PARM1: variants seen among roughly 807,000 people sequenced by gnomAD.
PARM1 encodes prostate androgen-regulated mucin-like protein 1.
In PARM1, 14 loss-of-function variants were observed where a neutral mutation model predicts 24.6. That is an observed-to-expected ratio of 0.57 (90% CI 0.38 to 0.89). The LOEUF (loss-of-function observed/expected upper bound fraction) is 0.89, where lower values mean the gene tolerates loss of function less well. PARM1 is among the 40% of genes least tolerant of loss of function. The pLI is 0.00. For missense variants in PARM1, 362 were observed against 380.4 expected (o/e 0.95, Z 0.40); for synonymous variants, 179 against 156.6 (o/e 1.14, Z -1.07).
At chr4:74,992,057 C>G (rs984122245) in intron 1 of PARM1, among the ~76,000 whole-genome samples, 9 of 152,186 alleles carry the variant, frequency 5.9e-5, no homozygotes, top group Admixed American at 5.9e-4. Context: ...TACAGATGAA[C>G]AGCCAAATAA....
chr4:74,960,186 A>G (rs185641367), intron 1 of PARM1, among the ~76,000 whole-genome samples: 67 of 152,340 alleles, frequency 4.4e-4, no homozygotes, highest in Non-Finnish European at 7.6e-4. Flanking sequence ...GTGCACACAT[A>G]TAGGAGGAAG....
intron 1 of PARM1, among the ~76,000 whole-genome samples, chr4:74,960,440 C>T (rs2109988880): frequency 6.6e-6 from 1 of 152,276 alleles, no homozygotes; most frequent in Middle Eastern, 3.4e-3. Flanking sequence ...GTCTTAAAAA[C>T]TAACCGAGAA....
chr4:75,043,859 C>T (rs1191071932), intron 3 of PARM1, among the ~76,000 whole-genome samples: 1 of 152,122 alleles, frequency 6.6e-6, no homozygotes, highest in African/African-American at 2.4e-5. Flanking sequence ...TTCTGGGTTT[C>T]TATTTATGGT....
At chr4:75,028,200 G>C (rs1723217242) in intron 2 of PARM1, among the ~76,000 whole-genome samples, 1 of 152,200 alleles carries the variant, frequency 6.6e-6, no homozygotes, top group African/African-American at 2.4e-5. Context: ...GATTTCTCCT[G>C]CTATTACTGT....
chr4:74,999,654 A>G (rs933924031), intron 1 of PARM1, among the ~76,000 whole-genome samples: 4 of 152,244 alleles, frequency 2.6e-5, no homozygotes, highest in Non-Finnish European at 4.4e-5. Flanking sequence ...ACAAATAAAA[A>G]TCTAAAAGAT....
intron 1 of PARM1, among the ~76,000 whole-genome samples, chr4:74,967,929 A>G (rs1721939766): frequency 6.6e-6 from 1 of 152,232 alleles, no homozygotes; most frequent in Non-Finnish European, 1.5e-5. Flanking sequence ...TAAAGTGGCA[A>G]ACACAGAATT....
chr4:74,993,571 A>G (rs1722518751), intron 1 of PARM1, among the ~76,000 whole-genome samples: 1 of 152,216 alleles, frequency 6.6e-6, no homozygotes, highest in South Asian at 2.1e-4. Context: ...AGTGAAATGA[A>G]AGTATATATG....
chr4:75,035,338 C>G (rs1050036437), intron 3 of PARM1, among the ~76,000 whole-genome samples: 2 of 152,210 alleles, frequency 1.3e-5, no homozygotes, highest in Admixed American at 6.5e-5. Flanking sequence ...TGTGAGGACA[C>G]TGCTAGGGAC....
chr4:74,945,020 A>G (rs1187385861), intron 1 of PARM1, among the ~76,000 whole-genome samples: 1 of 152,248 alleles, frequency 6.6e-6, no homozygotes, highest in African/African-American at 2.4e-5. Context: ...AGATAAACCA[A>G]CATAAATTCA....
chr4:75,022,038 G>A (rs531041055), intron 2 of PARM1, among the ~76,000 whole-genome samples: 2 of 152,174 alleles, frequency 1.3e-5, no homozygotes, highest in Admixed American at 1.3e-4. Context: ...TCTCCAAACT[G>A]CTTTCCACAG....
chr4:75,033,702 CAG>C (rs946735027), intron 2 of PARM1, among the ~76,000 whole-genome samples, 179 bp from the exon 3 acceptor site: 3 of 152,118 alleles, frequency 2.0e-5, no homozygotes, highest in Non-Finnish European at 4.4e-5. Context: ...GTTTTGGTAA[CAG>C]AATTAAAATC....
chr4:75,022,740 C>T (rs567453948), intron 2 of PARM1, among the ~76,000 whole-genome samples: 21 of 152,100 alleles, frequency 1.4e-4, no homozygotes, highest in Non-Finnish European at 2.5e-4. Context: ...TGACTGAACC[C>T]GTACTCTAAT....
rs891253613 is a variant in PARM1 at position 75,033,457 on chromosome 4, A to G, written c.770-426A>G. On this transcript the variant is annotated intron_variant, in intron 2 of 3. Coordinates refer to ENST00000307428, the MANE Select transcript of PARM1 (RefSeq NM_015393.4). ...TTGAATAAAACATCCAAAGTCTCTC[A>G]ATATTTCACAAGTAATAGAAAGATG... 2.0e-5 allele frequency among the ~76,000 whole-genome samples: 3 copies of G among 152,324 alleles called. 1 individual carries two copies. The East Asian group carries it at 5.8e-4, about 29-fold the overall frequency.
At chr4:75,016,865 C>G (rs576147184) in intron 2 of PARM1, among the ~76,000 whole-genome samples, 12 of 152,248 alleles carry the variant, frequency 7.9e-5, no homozygotes, top group African/African-American at 2.6e-4. Context: ...AAAATTCTCC[C>G]CATTTTGCTT....
At chr4:74,987,005 T>G (rs1318042156) in intron 1 of PARM1, among the ~76,000 whole-genome samples, 2 of 152,184 alleles carry the variant, frequency 1.3e-5, no homozygotes, top group Non-Finnish European at 2.9e-5. Context: ...CTGTAAGCAC[T>G]TGAGTTTAAT....
chr4:75,025,474 C>G (rs1177098837), intron 2 of PARM1, among the ~76,000 whole-genome samples: 1 of 152,206 alleles, frequency 6.6e-6, no homozygotes, highest in African/African-American at 2.4e-5. Context: ...TCTGAACACA[C>G]AGTTAAAATA....
intron 1 of PARM1, chr4:74,957,163 G>A (rs1211693605): frequency 2.0e-5 from 3 of 152,140 alleles, no homozygotes; most frequent in African/African-American, 7.2e-5. Flanking sequence ...TTTTAATTTC[G>A]GCTCTATATC....
At chr4:75,015,848 C>G (rs1257820803) in intron 2 of PARM1, among the ~76,000 whole-genome samples, 1 of 152,204 alleles carries the variant, frequency 6.6e-6, no homozygotes, top group Non-Finnish European at 1.5e-5. Context: ...TTGCTGCACT[C>G]CTCCTTTATT....
chr4:74,946,879 T>G (rs1049054931), intron 1 of PARM1, among the ~76,000 whole-genome samples: 1 of 152,186 alleles, frequency 6.6e-6, no homozygotes, highest in African/African-American at 2.4e-5. Flanking sequence ...TTTGAAAACA[T>G]AATAGATGAG....
Sources: allele counts gnomAD v4.1 joint callset (sites outside exome capture counted in the v4.1 genomes callset), GRCh38; gene constraint gnomAD v4.1.1; transcripts MANE v1.5; gene names NCBI Gene and HGNC (gene_info 2026-07-23, HGNC 2026-07-21).